SDK1: variants seen among roughly 807,000 people sequenced by gnomAD.
The protein encoded by SDK1 is protein sidekick-1.
In SDK1, 157 loss-of-function variants were observed where a neutral mutation model predicts 245.5. The observed-to-expected ratio is 0.64, with a 90% CI of 0.56 to 0.73. The LOEUF is 0.73. Ranked by LOEUF, SDK1 falls within the 30% of genes least tolerant of loss-of-function variation. The pLI is 0.00. For synonymous variants in SDK1, 1,647 were observed against 1,278.5 expected (o/e 1.29, Z -6.15); for missense variants, 3,583 against 3,002.3 (o/e 1.19, Z -4.52).
At chr7:3,671,796 G>A (rs994425657) in intron 4 of SDK1, among the ~76,000 whole-genome samples, 1 of 152,216 alleles carries the variant, frequency 6.6e-6, no homozygotes, top group East Asian at 1.9e-4. Context: ...AGCAGGAAGT[G>A]AAATTATAAC....
chr7:4,182,390 C>G (rs762029997), intron 35 of SDK1, among the ~76,000 whole-genome samples: 1 of 152,238 alleles, frequency 6.6e-6, no homozygotes, highest in South Asian at 2.1e-4. Flanking sequence ...TCATCCCAAA[C>G]AGCTCCTTGC....
At chr7:3,720,986 C>G (rs183299458) in intron 4 of SDK1, among the ~76,000 whole-genome samples, 10 of 152,288 alleles carry the variant, frequency 6.6e-5, no homozygotes, top group Admixed American at 2.6e-4. Context: ...TGAGAAAAGC[C>G]AATCTCAAAT....
intron 1 of SDK1, among the ~76,000 whole-genome samples, chr7:3,507,382 T>G (rs186086438): frequency 1.3e-5 from 2 of 152,322 alleles, no homozygotes; most frequent in Admixed American, 1.3e-4. Context: ...CTGATCTCTG[T>G]GTTGTCATGT....
chr7:3,963,578 A>G, intron 9 of SDK1, among the ~76,000 whole-genome samples: 1 of 76,604 alleles, frequency 1.3e-5, no homozygotes, highest in Non-Finnish European at 2.5e-5. Context: ...ATTCAGCCCC[A>G]TGGCTACCTG....
intron 5 of SDK1, among the ~76,000 whole-genome samples, chr7:3,855,253 C>A (rs1780516487): frequency 6.6e-6 from 1 of 151,976 alleles, no homozygotes; most frequent in Admixed American, 6.6e-5. Context: ...ATGAGCACCA[C>A]ACCAAGAATC....
intron 4 of SDK1, among the ~76,000 whole-genome samples, chr7:3,697,687 A>G (rs565235673): frequency 6.6e-6 from 1 of 152,208 alleles, no homozygotes; most frequent in South Asian, 2.1e-4. Context: ...TGTGGTTTAT[A>G]ACTTACTCAT....
chr7:3,791,035 C>T (rs1273943977), intron 4 of SDK1, among the ~76,000 whole-genome samples: 2 of 152,078 alleles, frequency 1.3e-5, no homozygotes, highest in Non-Finnish European at 2.9e-5. Flanking sequence ...TCAGTATCCT[C>T]ATCGGTAAAT....
intron 5 of SDK1, among the ~76,000 whole-genome samples, chr7:3,864,133 C>T (rs572209533): frequency 6.6e-6 from 1 of 152,300 alleles, no homozygotes; most frequent in South Asian, 2.1e-4. Context: ...TCATAATAAA[C>T]ATTCTACTTA....
intron 1 of SDK1, among the ~76,000 whole-genome samples, chr7:3,563,247 G>GA (rs892325825): frequency 3.9e-5 from 6 of 152,022 alleles, no homozygotes; most frequent in Admixed American, 2.0e-4. Context: ...TGGAAAATAT[G>GA]AAAAAAAGCT....
chr7:3,555,912 A>G (rs1354619931), intron 1 of SDK1, among the ~76,000 whole-genome samples: 1 of 152,234 alleles, frequency 6.6e-6, no homozygotes, highest in Non-Finnish European at 1.5e-5. Context: ...AAAGACAGGC[A>G]GTAACAAATG....
chr7:3,782,958 A>G (rs918098139), intron 4 of SDK1, among the ~76,000 whole-genome samples: 3 of 152,210 alleles, frequency 2.0e-5, no homozygotes, highest in Non-Finnish European at 2.9e-5. Context: ...ATGAACATAG[A>G]TGCAGATTTC....
chr7:3,838,906 C>T (rs1016522410), intron 5 of SDK1, among the ~76,000 whole-genome samples: 2 of 152,170 alleles, frequency 1.3e-5, no homozygotes, highest in Non-Finnish European at 2.9e-5. Flanking sequence ...TCTCTGACTG[C>T]CCCATCAAGT....
intron 4 of SDK1, among the ~76,000 whole-genome samples, chr7:3,732,225 GT>G (rs1359448323): frequency 1.3e-5 from 2 of 152,118 alleles, no homozygotes; most frequent in Non-Finnish European, 1.5e-5. Flanking sequence ...ACTATTTTTT[GT>G]TTTGTCAGTA....
At chr7:3,334,879 CT>C (rs934778693) in intron 1 of SDK1, among the ~76,000 whole-genome samples, 1 of 151,810 alleles carries the variant, frequency 6.6e-6, no homozygotes, top group East Asian at 1.9e-4. Flanking sequence ...CTTGATTTTT[CT>C]TTTTTTTCAA....
intron 34 of SDK1, among the ~76,000 whole-genome samples, chr7:4,177,518 C>T (rs1185136655): frequency 3.9e-5 from 6 of 152,148 alleles, no homozygotes; most frequent in Admixed American, 1.3e-4. Flanking sequence ...TGGTTACCAG[C>T]GTCCTTCTAC....
chr7:3,687,245 C>T (rs1251632608), intron 4 of SDK1, among the ~76,000 whole-genome samples: 1 of 150,970 alleles, frequency 6.6e-6, no homozygotes, highest in Non-Finnish European at 1.5e-5. Flanking sequence ...GATCTCAGCT[C>T]AGCCTCCCAA....
At chr7:3,838,961 GGC>G (rs1780091692) in intron 5 of SDK1, among the ~76,000 whole-genome samples, 1 of 152,108 alleles carries the variant, frequency 6.6e-6, no homozygotes, top group Non-Finnish European at 1.5e-5. Context: ...CATTCGTTTG[GGC>G]AGAGGCACGT....
At chr7:3,776,359 C>T (rs765520682) in intron 4 of SDK1, among the ~76,000 whole-genome samples, 19 of 152,180 alleles carry the variant, frequency 1.2e-4, no homozygotes, top group Admixed American at 3.9e-4. Flanking sequence ...CCCAGTTGCA[C>T]GGTGAAAATC....
intron 6 of SDK1, 54 bp from the exon 7 acceptor site, chr7:3,951,676 G>T (rs866865683): frequency 2.6e-6 from 4 of 1,534,940 alleles, no homozygotes; most frequent in Admixed American, 1.7e-5. Flanking sequence ...GATGATGACC[G>T]TTGCCACCTC....
Sources: gnomAD v4.1 joint callset for allele counts (sites outside exome capture counted in the v4.1 genomes callset) on GRCh38, gnomAD v4.1.1 for gene constraint, MANE v1.5 for transcripts, NCBI Gene and HGNC (gene_info 2026-07-23, HGNC 2026-07-21) for gene names.